The following SMURF1 variants were observed in gnomAD, a reference collection of about 807,000 sequenced individuals.
SMURF1 encodes the protein E3 ubiquitin-protein ligase SMURF1.
A neutral mutation model predicts 98.0 loss-of-function variants in SMURF1; 44 were observed. That is an observed-to-expected ratio of 0.45 (90% CI 0.35 to 0.58). The LOEUF is 0.58. Among genes scored for constraint, SMURF1 ranks in the 20% least tolerant of loss-of-function variants. SMURF1 has a pLI of 0.00. For missense variants in SMURF1, 687 were observed against 938.4 expected, an observed-to-expected ratio of 0.73 and a Z score of 3.50; for synonymous variants, 396 against 374.9, an observed-to-expected ratio of 1.06 and a Z score of -0.65.
intron 1 of SMURF1, among the ~76,000 whole-genome samples, chr7:99,105,366 T>C (rs1438286825): frequency 6.6e-6 from 1 of 152,114 alleles, no homozygotes; most frequent in East Asian, 1.9e-4. Flanking sequence ...GGCTAATCTT[T>C]CTCGAAGGAA....
At chr7:99,130,596 T>G (rs532752259) in intron 1 of SMURF1, among the ~76,000 whole-genome samples, 3 of 152,340 alleles carry the variant, frequency 2.0e-5, no homozygotes, top group Admixed American at 6.5e-5. Context: ...TTCTTGGCAC[T>G]TTTACCAAAT....
intron 8 of SMURF1, chr7:99,051,071 T>G: frequency 7.5e-7 from 1 of 1,332,944 alleles, no homozygotes; most frequent in Non-Finnish European, 1.0e-6. Flanking sequence ...TGATGGAAAA[T>G]TTTAAGCATA....
intron 5 of SMURF1, among the ~76,000 whole-genome samples, chr7:99,055,955 G>C (rs1048381952): frequency 1.3e-5 from 2 of 151,994 alleles, no homozygotes; most frequent in Non-Finnish European, 2.9e-5. Flanking sequence ...GACAGAGCAA[G>C]ACTCCGTGTC....
chr7:99,030,740 C>A, intron 17 of SMURF1, 57 bp from the exon 18 acceptor site: 1 of 1,366,376 alleles, frequency 7.3e-7, no homozygotes. Flanking sequence ...GGACCAACCT[C>A]AAGGCCAAGG....
At chr7:99,140,310 A>C (rs1231856044) in intron 1 of SMURF1, among the ~76,000 whole-genome samples, 1 of 119,468 alleles carries the variant, frequency 8.4e-6, no homozygotes, top group Non-Finnish European at 1.7e-5. Context: ...TTTTTGAGAC[A>C]GAGTCTCACT....
chr7:99,046,731 C>CAAAA (rs56788889), intron 10 of SMURF1, among the ~76,000 whole-genome samples: 16 of 74,624 alleles, frequency 2.1e-4, no homozygotes, highest in African/African-American at 6.0e-4. Context: ...GACTCCGTCT[C>CAAAA]AAAAAAAAAA....
At chr7:99,090,506 A>T (rs927315778) in intron 1 of SMURF1, among the ~76,000 whole-genome samples, 2 of 152,224 alleles carry the variant, frequency 1.3e-5, no homozygotes, top group East Asian at 3.9e-4. Context: ...AGAGAGGAGG[A>T]GTGGGAAAGG....
chr7:99,108,208 T>G (rs1056787087), intron 1 of SMURF1, among the ~76,000 whole-genome samples: 1 of 152,048 alleles, frequency 6.6e-6, no homozygotes, highest in Non-Finnish European at 1.5e-5. Flanking sequence ...TGTTACGCCC[T>G]TGCACTAAAG....
At chr7:99,037,865 C>CAT (rs2150502754) in intron 14 of SMURF1, among the ~76,000 whole-genome samples, 1 of 152,286 alleles carries the variant, frequency 6.6e-6, no homozygotes, top group Admixed American at 6.5e-5. Context: ...AGCCTGGCAA[C>CAT]ATAGCAAGAC....
At chr7:99,051,832 G>A (rs1486790698) in intron 7 of SMURF1, among the ~76,000 whole-genome samples, 2 of 152,076 alleles carry the variant, frequency 1.3e-5, no homozygotes, top group East Asian at 1.9e-4. Context: ...GCAAACATCC[G>A]CACTTATGGC....
At chr7:99,037,707 C>T (rs940812336) in intron 14 of SMURF1, among the ~76,000 whole-genome samples, 7 of 152,136 alleles carry the variant, frequency 4.6e-5, no homozygotes, top group African/African-American at 1.4e-4. Context: ...GATTTGCTCG[C>T]GAAAACAGGA....
At chr7:99,080,944 T>C (rs1796565911) in intron 1 of SMURF1, 1 of 152,184 alleles carries the variant, frequency 6.6e-6, no homozygotes, top group Non-Finnish European at 1.5e-5. Flanking sequence ...AGGTAAGAGA[T>C]CTCCAAGCCT....
intron 1 of SMURF1, among the ~76,000 whole-genome samples, chr7:99,103,951 G>C (rs551672797): frequency 6.6e-6 from 1 of 150,562 alleles, no homozygotes; most frequent in Non-Finnish European, 1.5e-5. Flanking sequence ...AGAATGCAGT[G>C]GTGCGATCTC....
intron 1 of SMURF1, among the ~76,000 whole-genome samples, chr7:99,070,109 T>C (rs939812669): frequency 9.2e-5 from 14 of 152,230 alleles, no homozygotes; most frequent in African/African-American, 3.1e-4. Context: ...GACAAAATCA[T>C]GTGAACTATT....
chr7:99,096,001 G>A (rs961613606), intron 1 of SMURF1, among the ~76,000 whole-genome samples: 1 of 151,786 alleles, frequency 6.6e-6, no homozygotes, highest in Non-Finnish European at 1.5e-5. Context: ...TTCCAAGAAT[G>A]GGGTCCTGGG....
At chr7:99,039,630 A>G (rs1298857125) in intron 13 of SMURF1, among the ~76,000 whole-genome samples, 1 of 152,134 alleles carries the variant, frequency 6.6e-6, no homozygotes, top group African/African-American at 2.4e-5. Context: ...GGCCCCACAA[A>G]GTGCTGGGAT....
intron 1 of SMURF1, among the ~76,000 whole-genome samples, chr7:99,077,343 T>G (rs1796486957): frequency 1.3e-5 from 2 of 149,488 alleles, no homozygotes; most frequent in Admixed American, 1.3e-4. Context: ...TTTTTTTTAT[T>G]TTTTTTTTGA....
intron 1 of SMURF1, among the ~76,000 whole-genome samples, chr7:99,066,044 CAA>C (rs35565503): frequency 1.5e-5 from 2 of 136,020 alleles, no homozygotes; most frequent in Non-Finnish European, 1.6e-5. Context: ...GATTCCGTCT[CAA>C]AAAAAAAAAA....
chr7:99,063,257 A>ATATATATATAAGATT (rs1796092806), intron 1 of SMURF1, among the ~76,000 whole-genome samples: 6 of 5,564 alleles, frequency 1.1e-3, no homozygotes, highest in Non-Finnish European at 2.4e-3. Flanking sequence ...ATATATATAT[A>ATATATATATAAGATT]TATATATATA....
Sources: allele counts gnomAD v4.1 joint callset (sites outside exome capture counted in the v4.1 genomes callset), GRCh38; gene constraint gnomAD v4.1.1; transcripts MANE v1.5; gene names NCBI Gene and HGNC (gene_info 2026-07-23, HGNC 2026-07-21).